Variants in HTR2C observed in about 807,000 individuals in gnomAD.
HTR2C encodes 5-hydroxytryptamine (serotonin) receptor 2C, G protein-coupled.
In HTR2C, 5 loss-of-function variants were observed where a neutral mutation model predicts 21.0. The ratio of observed to expected loss-of-function variants is 0.24; its 90% CI spans 0.12 to 0.50. The LOEUF (loss-of-function observed/expected upper bound fraction) is 0.50, where lower values mean the gene tolerates loss of function less well. HTR2C is among the 20% of genes least tolerant of loss of function. The pLI is 0.98. For missense variants in HTR2C, 271 were observed against 371.2 expected (o/e 0.73, Z 2.22); for synonymous variants, 150 against 145.3 (o/e 1.03, Z -0.23).
intron 2 of HTR2C, among the ~76,000 whole-genome samples, chrX:114,627,534 C>G (rs782607609): frequency 9.0e-6 from 1 of 111,080 alleles, no homozygotes; most frequent in South Asian, 3.8e-4. Context: ...AGAAAAAGAA[C>G]AGTGTGCTCT....
At chrX:114,844,019 G>A (rs1296802559) in intron 4 of HTR2C, among the ~76,000 whole-genome samples, 1 of 110,812 alleles carries the variant, frequency 9.0e-6, no homozygotes, top group Non-Finnish European at 1.9e-5. Flanking sequence ...ATGAAAGGAC[G>A]CCAAAAAGTA....
At chrX:114,887,516 G>T (rs1322950700) in intron 5 of HTR2C, among the ~76,000 whole-genome samples, 5 of 111,098 alleles carry the variant, frequency 4.5e-5, no homozygotes, top group Non-Finnish European at 9.4e-5. Flanking sequence ...ATTGCCTGGG[G>T]TCACTTGCCT....
intron 4 of HTR2C, among the ~76,000 whole-genome samples, chrX:114,770,610 T>C (rs1302261054): frequency 9.0e-6 from 1 of 110,941 alleles, no homozygotes; most frequent in Middle Eastern, 4.3e-3. Context: ...TAGTGAGCAT[T>C]ATCATCATAG....
intron 4 of HTR2C, among the ~76,000 whole-genome samples, chrX:114,753,346 T>A (rs1556428738): frequency 8.9e-6 from 1 of 112,083 alleles, no homozygotes; most frequent in Admixed American, 9.5e-5. Context: ...ACCACTGTTA[T>A]ACAACATAGG....
intron 1 of HTR2C, among the ~76,000 whole-genome samples, chrX:114,601,573 A>C (rs1378613129): frequency 9.2e-6 from 1 of 108,539 alleles, no homozygotes; most frequent in Non-Finnish European, 1.9e-5. Context: ...CCGGCCGTTT[A>C]CACTTCTTTT....
chrX:114,616,680 T>C (rs141265391), intron 2 of HTR2C, among the ~76,000 whole-genome samples: 1,289 of 112,253 alleles, frequency 0.011, 15 homozygotes, highest in African/African-American at 0.04. Flanking sequence ...TTACTTATGC[T>C]ACCTATTCTA....
At chrX:114,772,495 C>T (rs1316972344) in intron 4 of HTR2C, among the ~76,000 whole-genome samples, 2 of 101,018 alleles carry the variant, frequency 2.0e-5, no homozygotes, top group Non-Finnish European at 4.0e-5. Flanking sequence ...GGTGGGGGGG[C>T]CTTGATTCTG....
At chrX:114,835,123 C>T (rs2070769124) in intron 4 of HTR2C, among the ~76,000 whole-genome samples, 1 of 100,391 alleles carries the variant, frequency 1.0e-5, no homozygotes, top group African/African-American at 3.6e-5. Flanking sequence ...ACCTTTCTCT[C>T]TGGCTGCCCT....
At chrX:114,749,057 A>G (rs782051931) in intron 4 of HTR2C, among the ~76,000 whole-genome samples, 1 of 111,148 alleles carries the variant, frequency 9.0e-6, no homozygotes, top group East Asian at 2.8e-4. Flanking sequence ...ATTAAAAATA[A>G]GAAGTTATTT....
intron 4 of HTR2C, among the ~76,000 whole-genome samples, chrX:114,805,852 T>TACCATATATAC (rs1941537467): frequency 4.3e-5 from 4 of 92,523 alleles, no homozygotes; most frequent in African/African-American, 8.4e-5. Context: ...ACCATATATA[T>TACCATATATAC]ACCATATATA....
intron 4 of HTR2C, among the ~76,000 whole-genome samples, chrX:114,834,912 ATCTC>A (rs1275453687): frequency 9.5e-6 from 1 of 105,369 alleles, no homozygotes; most frequent in Non-Finnish European, 2.0e-5. Flanking sequence ...TGGTGACAAA[ATCTC>A]TCAGCATTTG....
intron 4 of HTR2C, among the ~76,000 whole-genome samples, chrX:114,831,777 C>T (rs1448799440): frequency 1.9e-5 from 2 of 104,277 alleles, no homozygotes; most frequent in Admixed American, 1.0e-4. Context: ...CTTGCCCATG[C>T]CTATGTCCTG....
chrX:114,718,779 A>G (rs1933070727), intron 2 of HTR2C, among the ~76,000 whole-genome samples: 1 of 108,930 alleles, frequency 9.2e-6, no homozygotes, highest in Admixed American at 1.0e-4. Flanking sequence ...TTCTCTTCAT[A>G]CTTGAGACAG....
At chrX:114,773,899 C>A (rs1205772320) in intron 4 of HTR2C, among the ~76,000 whole-genome samples, 1 of 107,656 alleles carries the variant, frequency 9.3e-6, no homozygotes, top group Non-Finnish European at 1.9e-5. Context: ...CACCCTGTGT[C>A]CAAACTCCAT....
intron 2 of HTR2C, among the ~76,000 whole-genome samples, chrX:114,705,893 C>T (rs1371684023): frequency 6.4e-5 from 4 of 62,642 alleles, no homozygotes; most frequent in Admixed American, 2.4e-4. Context: ...AAAAAGTGGG[C>T]GAAGGACATG....
chrX:114,747,254 T>C lies in HTR2C; in HGVS notation c.349+15647T>C, dbSNP rs782065516. On this transcript the variant is annotated intron_variant, in intron 4 of 5. Coordinates refer to ENST00000276198, the MANE Select transcript of HTR2C (RefSeq NM_000868.4). Reference sequence around the variant, plus strand: ...GTTCCTCAACTTGATAAAGGGGATCTACAATTATCCTTAAGCAGACGTTGT... The same window carrying C: ...GTTCCTCAACTTGATAAAGGGGATCCACAATTATCCTTAAGCAGACGTTGT... Among the ~76,000 whole-genome samples the C allele has an allele frequency of 6.2e-5, 7 of 112,396 alleles. No homozygotes were observed. The South Asian group carries it at 2.6e-3, about 42-fold the overall frequency.
intron 1 of HTR2C, chrX:114,590,027 C>A (rs1358393043): frequency 7.0e-6 from 1 of 143,752 alleles, no homozygotes; most frequent in Non-Finnish European, 1.3e-5. Flanking sequence ...CAAGTCTTGT[C>A]TGATCCCATT....
At chrX:114,869,926 G>A (rs1193684481) in intron 5 of HTR2C, among the ~76,000 whole-genome samples, 1 of 111,431 alleles carries the variant, frequency 9.0e-6, no homozygotes, top group Non-Finnish European at 1.9e-5. Context: ...TGATCATATT[G>A]TTTTTGTTCT....
chrX:114,871,509 G>T (rs989897203), intron 5 of HTR2C, among the ~76,000 whole-genome samples: 1 of 111,414 alleles, frequency 9.0e-6, no homozygotes, highest in Non-Finnish European at 1.9e-5. Context: ...ATCCAATGCT[G>T]AAAGTGGAGT....
Sources: allele counts gnomAD v4.1 joint callset (sites outside exome capture counted in the v4.1 genomes callset), GRCh38; gene constraint gnomAD v4.1.1; transcripts MANE v1.5; gene names NCBI Gene and HGNC (gene_info 2026-07-23, HGNC 2026-07-21).